TRIM42: variants seen among roughly 807,000 people sequenced by gnomAD.
TRIM42 encodes tripartite motif-containing protein 42.
A neutral mutation model predicts 64.9 loss-of-function variants in TRIM42; 59 were observed. That is an observed-to-expected ratio of 0.91 (90% CI 0.74 to 1.13). The LOEUF (loss-of-function observed/expected upper bound fraction) is 1.13. TRIM42 is among the 50% of genes most tolerant of loss of function. TRIM42 has a pLI of 0.00. For synonymous variants in TRIM42, 354 were observed against 346.3 expected, an observed-to-expected ratio of 1.02 and a Z score of -0.25; for missense variants, 878 against 929.5, an observed-to-expected ratio of 0.94 and a Z score of 0.72.
At chr3:140,695,489 A>T (rs1002778626) in intron 4 of TRIM42, among the ~76,000 whole-genome samples, 1 of 152,134 alleles carries the variant, frequency 6.6e-6, no homozygotes, top group South Asian at 2.1e-4. Context: ...TCTTCAGGAA[A>T]TGCAGCAACC....
At chr3:140,691,977 GAA>G (rs10711078) in intron 4 of TRIM42, among the ~76,000 whole-genome samples, 16 of 149,882 alleles carry the variant, frequency 1.1e-4, no homozygotes, top group South Asian at 4.2e-4. Flanking sequence ...AGAAGAAGAA[GAA>G]AAAAAAAAAG....
rs759172731 is a variant in TRIM42, at chr3:140,687,750, G to A, written c.1068G>A (p.Met356Ile). Residue 356 changes from methionine to isoleucine, a missense_variant, in exon 3 of 5, where the codon ATG becomes ATA. By Grantham distance (10) the Met-to-Ile change is conservative. Coordinates refer to ENST00000286349, the MANE Select transcript of TRIM42 (RefSeq NM_152616.5). Reference protein sequence around the residue: ...AVRYEIDNDLMEFNILKNSFK... With the variant: ...AVRYEIDNDLIEFNILKNSFK... ...GATATGAAATTGATAATGACCTAATGGAATTCAACATCTTAAAAAACAGCT... is the reference window on the plus strand; with the variant it reads ...GATATGAAATTGATAATGACCTAATAGAATTCAACATCTTAAAAAACAGCT... 1 of 1,612,486 alleles carries A rather than the reference G, an allele frequency of 6.2e-7. No homozygotes were observed. Among genetic ancestry groups the A allele is most frequent in the South Asian group, 1.1e-5 (1 of 90,692 alleles).
rs563883608 is a variant in TRIM42, at chr3:140,686,875, G to A, written c.1040-847G>A. On this transcript the variant is annotated intron_variant, in intron 2 of 4. Transcript: ENST00000286349. Reference sequence around the variant, plus strand: ...TAAAGCTCATTTCACAGATAGAGATGTGCCACGTGCTTACCCTGCCATAGC... The same window carrying A: ...TAAAGCTCATTTCACAGATAGAGATATGCCACGTGCTTACCCTGCCATAGC... Among the ~76,000 whole-genome samples the A allele has an allele frequency of 1.3e-4, 20 of 152,282 alleles. No individual in the cohort carries two copies. The South Asian group carries it at 3.9e-3, about 30-fold the overall frequency.
intron 2 of TRIM42, among the ~76,000 whole-genome samples, chr3:140,686,747 C>G (rs760590432): frequency 6.6e-6 from 1 of 152,156 alleles, no homozygotes; most frequent in Non-Finnish European, 1.5e-5. Context: ...ATGAGAAGAA[C>G]CTTACCCGTA....
intron 2 of TRIM42, among the ~76,000 whole-genome samples, chr3:140,686,748 C>G (rs1464640748): frequency 6.6e-6 from 1 of 152,170 alleles, no homozygotes; most frequent in African/African-American, 2.4e-5. Context: ...TGAGAAGAAC[C>G]TTACCCGTAG....
At position 140,691,103 on chromosome 3, in the gene TRIM42, C is replaced by A. The variant is rs1310126219; in HGVS notation, c.1996C>A (p.Leu666Met). 1 of 1,614,018 alleles carries A rather than the reference C, an allele frequency of 6.2e-7. No homozygotes were observed. Among genetic ancestry groups the A allele is most frequent in the Non-Finnish European group, 8.5e-7 (1 of 1,180,018 alleles). The change falls in exon 4 of 5, where the codon CTG (leucine) becomes ATG (methionine). Residue 666 changes from leucine (L) to methionine (M), a missense_variant. Coordinates refer to ENST00000286349, the MANE Select transcript of TRIM42 (RefSeq NM_152616.5). ...IRDIMQQNLE[L>M]HNLTPNTEYV... ...GGACATAATGCAGCAAAATCTGGAG[C>A]TGCACAACCTGACCCCCAACACAGA...
intron 4 of TRIM42, 120 bp downstream of exon 4, chr3:140,691,312 A>T (rs564254096): frequency 9.5e-6 from 8 of 844,084 alleles, no homozygotes; most frequent in Non-Finnish European, 1.5e-5. Flanking sequence ...CTAAGCACAG[A>T]ACATTTGTTA....
At chr3:140,683,818 A>C (rs995070187) in intron 2 of TRIM42, among the ~76,000 whole-genome samples, 1 of 152,216 alleles carries the variant, frequency 6.6e-6, no homozygotes, top group African/African-American at 2.4e-5. Flanking sequence ...ATGCTTGTTC[A>C]TGGTGATTTG....
intron 4 of TRIM42, among the ~76,000 whole-genome samples, chr3:140,691,810 T>G (rs1361798136): frequency 1.3e-5 from 2 of 152,114 alleles, no homozygotes; most frequent in Non-Finnish European, 2.9e-5. Flanking sequence ...CTTCTTTATA[T>G]CTCCAGGGAA....
intron 4 of TRIM42, among the ~76,000 whole-genome samples, chr3:140,698,160 T>C (rs1466148519): frequency 6.6e-6 from 1 of 152,254 alleles, no homozygotes; most frequent in African/African-American, 2.4e-5. Flanking sequence ...ATGCCCATTA[T>C]CCTTCTTTCT....
rs765831010 is a variant in TRIM42 at position 140,678,414 on chromosome 3, A to G, written c.185A>G (p.Asn62Ser). The G allele has an allele frequency of 1.9e-6, 3 of 1,614,116 alleles. No individual in the cohort carries two copies. The highest frequency in any genetic ancestry group is 2.5e-6 in the Non-Finnish European group (3 of 1,180,016). Residue 62 changes from asparagine to serine, a missense_variant, in exon 1 of 5, where the codon AAC (asparagine) becomes AGC (serine). Asn to Ser is a conservative substitution (Grantham distance 46). Transcript: ENST00000286349. ...FCHCTCSESPNCHWCCCSWAN... is the reference protein window; with the variant it reads ...FCHCTCSESPSCHWCCCSWAN... The stretch of plus-strand genomic sequence containing the variant: ...CACTGCACCTGTTCTGAGAGCCCCA[A>G]CTGCCATTGGTGTTGCTGCTCTTGG...
intron 1 of TRIM42, chr3:140,680,696 G>C (rs959494924): frequency 4.1e-6 from 4 of 985,310 alleles, no homozygotes; most frequent in African/African-American, 1.7e-5. Flanking sequence ...ATCTGGGAAA[G>C]CAGAGAGGAA....
At chr3:140,699,292 GC>G (rs1473593961) in intron 4 of TRIM42, among the ~76,000 whole-genome samples, 1 of 151,896 alleles carries the variant, frequency 6.6e-6, no homozygotes, top group Non-Finnish European at 1.5e-5. Flanking sequence ...TCAATTTTTT[GC>G]TTATATTGTT....
Position 140,688,089 on chromosome 3 carries a change from G to C in TRIM42, c.1407G>C (p.Leu469=). 6.2e-7 allele frequency: 1 copy of C among 1,614,014 alleles called. No individual in the cohort carries two copies. The change falls in exon 3 of 5, where the codon CTG becomes CTC. Residue 469 remains leucine (L), a synonymous_variant. Coordinates refer to ENST00000286349, the MANE Select transcript of TRIM42 (RefSeq NM_152616.5). ...TTYRPDPQLR[L]HSINYVPLDF... ...ACAGGCCTGACCCACAGCTCCGGCTGCACTCAATAAACTACGTGCCCTTGG... is the reference window on the plus strand; with the variant it reads ...ACAGGCCTGACCCACAGCTCCGGCTCCACTCAATAAACTACGTGCCCTTGG...
At chr3:140,679,195 G>A (rs2107839797) in intron 1 of TRIM42, among the ~76,000 whole-genome samples, 1 of 152,196 alleles carries the variant, frequency 6.6e-6, no homozygotes, top group African/African-American at 2.4e-5. Flanking sequence ...GAACTTCTAT[G>A]GGGCACTTTT....
At chr3:140,689,320 C>T (rs1386257586) in intron 3 of TRIM42, among the ~76,000 whole-genome samples, 1 of 152,200 alleles carries the variant, frequency 6.6e-6, no homozygotes, top group Non-Finnish European at 1.5e-5. Context: ...TGCCTCTTTC[C>T]TCCTCTTGGA....
At chr3:140,686,802 G>T (rs1012721033) in intron 2 of TRIM42, among the ~76,000 whole-genome samples, 1 of 152,130 alleles carries the variant, frequency 6.6e-6, no homozygotes, top group Non-Finnish European at 1.5e-5. Flanking sequence ...GCTCCTTAAT[G>T]CCTCAAATCC....
intron 4 of TRIM42, among the ~76,000 whole-genome samples, chr3:140,691,674 A>G (rs1988719405): frequency 6.6e-6 from 1 of 152,182 alleles, no homozygotes; most frequent in African/African-American, 2.4e-5. Flanking sequence ...CAATATTTAG[A>G]ACCTATTTAT....
chr3:140,683,519 G>A (rs1387288215), intron 2 of TRIM42, among the ~76,000 whole-genome samples: 1 of 152,112 alleles, frequency 6.6e-6, no homozygotes, highest in African/African-American at 2.4e-5. Context: ...CATGTCCTCA[G>A]GTCTCATTTT....
Sources: gnomAD v4.1 joint callset for allele counts (sites outside exome capture counted in the v4.1 genomes callset) on GRCh38, gnomAD v4.1.1 for gene constraint, MANE v1.5 for transcripts, NCBI Gene and HGNC (gene_info 2026-07-23, HGNC 2026-07-21) for gene names.